Variants in ZRANB1 observed in about 807,000 individuals in gnomAD.
The protein encoded by ZRANB1 is ubiquitin thioesterase ZRANB1.
A neutral mutation model predicts 80.5 loss-of-function variants in ZRANB1; 16 were observed. The ratio of observed to expected loss-of-function variants is 0.20; its 90% CI spans 0.13 to 0.30. The LOEUF (loss-of-function observed/expected upper bound fraction) is 0.30, where lower values mean the gene tolerates loss of function less well. Among genes scored for constraint, ZRANB1 ranks in the 10% least tolerant of loss-of-function variants. ZRANB1 has a pLI of 1.00. For synonymous variants in ZRANB1, 291 were observed against 293.1 expected, an observed-to-expected ratio of 0.99 and a Z score of 0.07; for missense variants, 576 against 862.6, an observed-to-expected ratio of 0.67 and a Z score of 4.16.
intron 5 of ZRANB1, among the ~76,000 whole-genome samples, chr10:124,979,558 TGCTTTTG>T (rs1951914448): frequency 6.6e-6 from 1 of 152,258 alleles, no homozygotes; most frequent in South Asian, 2.1e-4. Flanking sequence ...TTATTGCTCA[TGCTTTTG>T]CTGTTGTATC....
intron 6 of ZRANB1, 149 bp downstream of exon 6, chr10:124,981,978 G>C: frequency 1.1e-6 from 1 of 902,702 alleles, no homozygotes; most frequent in Non-Finnish European, 1.7e-6. Context: ...TTCTAGTGAT[G>C]ACTGCTGTGT....
chr10:124,976,261 G>T (rs1302724389), intron 5 of ZRANB1, among the ~76,000 whole-genome samples: 3 of 152,160 alleles, frequency 2.0e-5, no homozygotes, highest in Non-Finnish European at 4.4e-5. Context: ...TGCTCTGCCG[G>T]TCTGGCCCTC....
intron 8 of ZRANB1, among the ~76,000 whole-genome samples, chr10:124,984,054 G>C (rs1729120514): frequency 6.6e-6 from 1 of 152,114 alleles, no homozygotes. Context: ...TAGGCGGCAG[G>C]GGGAGGGAGG....
At chr10:124,944,293 A>G (rs1239057613) in intron 1 of ZRANB1, among the ~76,000 whole-genome samples, 1 of 152,172 alleles carries the variant, frequency 6.6e-6, no homozygotes, top group African/African-American at 2.4e-5. Flanking sequence ...TACTAAGTTT[A>G]AACTTTGTGT....
At chr10:124,977,711 GAAAAAAAAAA>G (rs752296814) in intron 5 of ZRANB1, among the ~76,000 whole-genome samples, 8 of 48,726 alleles carry the variant, frequency 1.6e-4, no homozygotes, top group Non-Finnish European at 2.9e-4. Flanking sequence ...ACCCTGCTAA[GAAAAAAAAAA>G]AAAAAAAAAA....
At chr10:124,950,709 G>A (rs944045967) in intron 1 of ZRANB1, among the ~76,000 whole-genome samples, 1 of 152,180 alleles carries the variant, frequency 6.6e-6, no homozygotes, top group Non-Finnish European at 1.5e-5. Context: ...GGATATGGTG[G>A]CTCAGTCCTG....
intron 2 of ZRANB1, among the ~76,000 whole-genome samples, chr10:124,970,928 C>T (rs1322917757): frequency 6.7e-6 from 1 of 149,920 alleles, no homozygotes; most frequent in Non-Finnish European, 1.5e-5. Context: ...ACTTCCTCCT[C>T]CCGGGTTCAA....
the ZRANB1 span, among the ~76,000 whole-genome samples, chr10:124,935,263 A>C: frequency 1.3e-5 from 2 of 151,598 alleles, no homozygotes; most frequent in East Asian, 1.9e-4. Flanking sequence ...GAAATGAGAG[A>C]AAAACATGTA....
intron 1 of ZRANB1, among the ~76,000 whole-genome samples, chr10:124,943,581 C>G (rs912791727): frequency 5.3e-5 from 8 of 152,208 alleles, no homozygotes; most frequent in Middle Eastern, 6.8e-3. Flanking sequence ...GCATTTGATT[C>G]ATTCAGCACG....
intron 1 of ZRANB1, among the ~76,000 whole-genome samples, chr10:124,948,717 C>T (rs771774966): frequency 2.0e-5 from 3 of 152,120 alleles, no homozygotes; most frequent in African/African-American, 4.8e-5. Context: ...TATGCTTCAT[C>T]ATCTTGTTTA....
At chr10:124,961,191 A>G (rs1951731195) in intron 1 of ZRANB1, among the ~76,000 whole-genome samples, 1 of 151,948 alleles carries the variant, frequency 6.6e-6, no homozygotes, top group African/African-American at 2.4e-5. Context: ...TTTTGAGTAG[A>G]GACAGGGTTT....
At chr10:124,963,857 AAAG>A (rs1318285506) in intron 1 of ZRANB1, among the ~76,000 whole-genome samples, 8 of 152,198 alleles carry the variant, frequency 5.3e-5, no homozygotes, top group Non-Finnish European at 1.0e-4. Flanking sequence ...TTCTTAATGA[AAAG>A]AATGAAATTA....
chr10:124,934,879 A>G, the ZRANB1 span, among the ~76,000 whole-genome samples: 1 of 152,242 alleles, frequency 6.6e-6, no homozygotes, highest in Non-Finnish European at 1.5e-5. Context: ...TCTTTAATTC[A>G]GAAAGATAAG....
chr10:124,982,800 T>A (rs1438383384), intron 6 of ZRANB1, among the ~76,000 whole-genome samples: 2 of 150,752 alleles, frequency 1.3e-5, no homozygotes, highest in Non-Finnish European at 3.0e-5. Context: ...ACTTATTTAT[T>A]TCAGGAGGAC....
At chr10:124,929,000 A>C in the ZRANB1 span, among the ~76,000 whole-genome samples, 1 of 152,230 alleles carries the variant, frequency 6.6e-6, no homozygotes, top group Non-Finnish European at 1.5e-5. Context: ...TTTGTAAGTA[A>C]GGCTGGGGAG....
chr10:124,976,696 G>A lies in ZRANB1; in HGVS notation c.1427+2298G>A, dbSNP rs1296226616. The stretch of plus-strand genomic sequence containing the variant: ...AAGCAATTCTCGTGCCTCAGCCTTC[G>A]AAGTAGCTGGGATTACAGGTGGCGC... On this transcript the variant is annotated intron_variant, in intron 5 of 8. Transcript: ENST00000359653. 6.8e-5 allele frequency among the ~76,000 whole-genome samples: 10 copies of A among 148,146 alleles called. No individual in the cohort carries two copies. The East Asian group carries it at 2.0e-3, about 30-fold the overall frequency.
At chr10:124,984,645 C>T in intron 8 of ZRANB1, 129 bp from the exon 9 acceptor site, 2 of 884,382 alleles carry the variant, frequency 2.3e-6, no homozygotes, top group Non-Finnish European at 1.7e-6. Context: ...AGGTCAAAAC[C>T]ATGTGAAAAG....
chr10:124,972,158 A>G (rs765666693), intron 3 of ZRANB1, 40 bp downstream of exon 3: 2 of 1,591,086 alleles, frequency 1.3e-6, no homozygotes, highest in East Asian at 2.2e-5. Flanking sequence ...TTTTTATTTT[A>G]TTATAGTTAC....
In ZRANB1 at chr10:124,966,737, A is replaced by G. The variant is rs200541027; in HGVS notation, c.958A>G (p.Ile320Val). 63 of 1,613,998 alleles carry G rather than the reference A, an allele frequency of 3.9e-5. No homozygotes were observed. The highest frequency in any genetic ancestry group is 1.6e-4 in the Middle Eastern group (1 of 6,084). The change falls in exon 2 of 9, where the codon ATA (isoleucine) becomes GTA (valine). Residue 320 changes from isoleucine (I) to valine (V), a missense_variant. Physicochemically the swap from Ile to Val is conservative, Grantham distance 29 (BLOSUM62 3). Transcript: ENST00000359653. ...DVGYTLVHLAIRFQRQDMLAI... is the reference protein window; with the variant it reads ...DVGYTLVHLAVRFQRQDMLAI... Reference sequence around the variant, plus strand: ...TGGCTATACTCTTGTACACTTGGCTATACGTTTTCAGAGGCAGGATATGCT... The same window carrying G: ...TGGCTATACTCTTGTACACTTGGCTGTACGTTTTCAGAGGCAGGATATGCT...
Sources: gnomAD v4.1 joint callset for allele counts (sites outside exome capture counted in the v4.1 genomes callset) on GRCh38, gnomAD v4.1.1 for gene constraint, MANE v1.5 for transcripts, NCBI Gene and HGNC (gene_info 2026-07-23, HGNC 2026-07-21) for gene names.